The following RCL1 variants were observed in gnomAD, a reference collection of about 807,000 sequenced individuals.
RCL1 encodes the protein RNA terminal phosphate cyclase like 1.
RCL1 carries 24 observed loss-of-function variants against 42.4 expected under a neutral mutation model. That is an observed-to-expected ratio of 0.57 (90% CI 0.41 to 0.80). The LOEUF is 0.80. Among genes scored for constraint, RCL1 ranks in the 30% least tolerant of loss-of-function variants. The probability of loss-of-function intolerance (pLI) is 0.00; values close to 1 mark genes in which losing one functional copy is unlikely to be tolerated. For synonymous variants in RCL1, 228 were observed against 177.3 expected, an observed-to-expected ratio of 1.29 and a Z score of -2.27; for missense variants, 578 against 467.9, an observed-to-expected ratio of 1.24 and a Z score of -2.17.
chr9:4,824,698 C>T (rs1312982774), intron 2 of RCL1, among the ~76,000 whole-genome samples: 4 of 152,154 alleles, frequency 2.6e-5, no homozygotes, highest in Non-Finnish European at 4.4e-5. Flanking sequence ...TTAAGGCAAG[C>T]TTGGGTTCAT....
At chr9:4,834,490 T>A (rs951394814) in intron 5 of RCL1, among the ~76,000 whole-genome samples, 1 of 113,996 alleles carries the variant, frequency 8.8e-6, no homozygotes, top group South Asian at 2.9e-4. Flanking sequence ...TTTTTTTTTT[T>A]AATTTTCCGG....
chr9:4,835,717 C>T (rs402133), intron 5 of RCL1, among the ~76,000 whole-genome samples: 109,921 of 152,148 alleles, frequency 0.72, 41,940 homozygotes, highest in East Asian at 0.85. Context: ...GTGCCGACGC[C>T]GGCTGCGCCA....
Position 4,841,269 on chromosome 9 carries a change from A to G in RCL1, c.622A>G (p.Ile208Val), listed in dbSNP as rs774079232. ...TGTGTCACCTCAGATGGCGAACCGG[A>G]TTGTGGATTCTGCAAGGAGCATCCT... ...VRVSPQMANR[I>V]VDSARSILNK... Residue 208 changes from isoleucine (I) to valine (V), a missense_variant, in exon 6 of 9, where the codon ATT (isoleucine) becomes GTT (valine). By Grantham distance (29) the Ile-to-Val change is conservative. Coordinates refer to ENST00000381750, the MANE Select transcript of RCL1 (RefSeq NM_005772.5). 1.2e-6 allele frequency: 2 copies of G among 1,613,458 alleles called. No homozygotes were observed. The highest frequency in any genetic ancestry group is 1.7e-6 in the Non-Finnish European group (2 of 1,179,534).
intron 8 of RCL1, among the ~76,000 whole-genome samples, chr9:4,850,697 G>A (rs1466405812): frequency 6.6e-6 from 1 of 152,128 alleles, no homozygotes; most frequent in Non-Finnish European, 1.5e-5. Flanking sequence ...GGTAACATCA[G>A]TAGTAAACAA....
chr9:4,829,490 T>A (rs1172013788), intron 3 of RCL1, among the ~76,000 whole-genome samples: 1 of 152,210 alleles, frequency 6.6e-6, no homozygotes, highest in Non-Finnish European at 1.5e-5. Context: ...TTTGGTCTTG[T>A]TCCCTGGGAT....
At chr9:4,845,584 G>C (rs1312425358) in intron 7 of RCL1, among the ~76,000 whole-genome samples, 1 of 152,204 alleles carries the variant, frequency 6.6e-6, no homozygotes, top group Non-Finnish European at 1.5e-5. Flanking sequence ...CCCTATACTT[G>C]GTTAGAAGAG....
At position 4,857,809 on chromosome 9, in the gene RCL1, T is replaced by A. The variant is rs191259618; in HGVS notation, c.972-2316T>A. Among the ~76,000 whole-genome samples the A allele has an allele frequency of 9.2e-5, 14 of 152,274 alleles. No homozygotes were observed. In the East Asian group the frequency reaches 2.7e-3, roughly 29 times the overall value. ...ATGTCTTTTTATTATAGCCATCCTA[T>A]TGGATATGAAGTGATATTTCACAGT... On this transcript the variant is annotated intron_variant, in intron 8 of 8. Coordinates refer to ENST00000381750, the MANE Select transcript of RCL1 (RefSeq NM_005772.5).
At chr9:4,840,743 A>G (rs983641976) in intron 5 of RCL1, among the ~76,000 whole-genome samples, 1 of 152,182 alleles carries the variant, frequency 6.6e-6, no homozygotes, top group Non-Finnish European at 1.5e-5. Flanking sequence ...TTCTCCCATC[A>G]GCATACCAGG....
chr9:4,822,481 C>T (rs1199773754), intron 1 of RCL1, among the ~76,000 whole-genome samples: 1 of 152,134 alleles, frequency 6.6e-6, no homozygotes, highest in Non-Finnish European at 1.5e-5. Context: ...CTCTTCCTTT[C>T]CCCTTCTTTT....
At chr9:4,823,526 C>T in intron 1 of RCL1, 22 bp from the exon 2 acceptor site, 1 of 1,591,476 alleles carries the variant, frequency 6.3e-7, no homozygotes. Flanking sequence ...CTCTTTTCTT[C>T]ACAGATTTTT....
At chr9:4,820,042 G>C (rs1315827203) in intron 1 of RCL1, among the ~76,000 whole-genome samples, 2 of 152,168 alleles carry the variant, frequency 1.3e-5, no homozygotes, top group African/African-American at 2.4e-5. Context: ...TCCTTGCCAT[G>C]CCTCTACTGG....
chr9:4,847,637 T>G lies in RCL1; in HGVS notation c.868-1810T>G, dbSNP rs140162308. Among the ~76,000 whole-genome samples the G allele has an allele frequency of 4.0e-4, 61 of 152,362 alleles. 1 individual carries two copies. The East Asian group carries it at 0.01, about 26-fold the overall frequency. ...CCAAATCCTAACATCCTTTTCAGGC[T>G]AAAATACTGATCTGATCTCTTCACT... On this transcript the variant is annotated intron_variant, in intron 7 of 8. Coordinates refer to ENST00000381750, the MANE Select transcript of RCL1 (RefSeq NM_005772.5).
chr9:4,812,664 G>A (rs1383701719), intron 1 of RCL1, among the ~76,000 whole-genome samples: 1 of 151,542 alleles, frequency 6.6e-6, no homozygotes, highest in Admixed American at 6.6e-5. Flanking sequence ...TTTTTTTTCT[G>A]TTTCTGTAAA....
intron 8 of RCL1, among the ~76,000 whole-genome samples, chr9:4,850,859 G>A (rs1817720247): frequency 6.6e-6 from 1 of 152,066 alleles, no homozygotes; most frequent in African/African-American, 2.4e-5. Context: ...TTTGTAGCTG[G>A]GCTCGTAGCT....
intron 5 of RCL1, 146 bp downstream of exon 5, chr9:4,834,411 G>T (rs183144815): frequency 3.4e-4 from 269 of 802,502 alleles, no homozygotes; most frequent in Non-Finnish European, 4.5e-4. Flanking sequence ...AATTGTAATT[G>T]CTGGCTGAGT....
intron 8 of RCL1, among the ~76,000 whole-genome samples, chr9:4,854,115 T>C (rs531156461): frequency 1.3e-5 from 2 of 152,260 alleles, no homozygotes; most frequent in East Asian, 3.9e-4. Flanking sequence ...AATTGGTGTA[T>C]GGTAAAAGCA....
intron 2 of RCL1, among the ~76,000 whole-genome samples, chr9:4,825,653 A>G (rs1302513256): frequency 6.6e-6 from 1 of 152,234 alleles, no homozygotes; most frequent in East Asian, 1.9e-4. Context: ...GCATTGCAAA[A>G]GATTTTGTGC....
At chr9:4,802,293 C>A (rs1228460222) in intron 1 of RCL1, among the ~76,000 whole-genome samples, 1 of 151,946 alleles carries the variant, frequency 6.6e-6, no homozygotes, top group Non-Finnish European at 1.5e-5. Context: ...TAGACTGATT[C>A]CTCCCAGTTT....
chr9:4,846,318 C>T (rs576253141), intron 7 of RCL1, among the ~76,000 whole-genome samples: 2 of 152,318 alleles, frequency 1.3e-5, no homozygotes, highest in South Asian at 4.2e-4. Flanking sequence ...TCCAGCCCCT[C>T]TACTCGGCAT....
Sources: gnomAD v4.1 joint callset for allele counts (sites outside exome capture counted in the v4.1 genomes callset) on GRCh38, gnomAD v4.1.1 for gene constraint, MANE v1.5 for transcripts, NCBI Gene and HGNC (gene_info 2026-07-23, HGNC 2026-07-21) for gene names.